Variants in VMP1 observed in about 807,000 individuals in gnomAD.
The protein encoded by VMP1 is ectopic P-granules autophagy protein 3 homolog.
VMP1 carries 11 observed loss-of-function variants against 56.0 expected under a neutral mutation model. That is an observed-to-expected ratio of 0.20 (90% CI 0.12 to 0.32). The LOEUF is 0.32. Ranked by LOEUF, VMP1 falls within the 10% of genes least tolerant of loss-of-function variation. The pLI, the probability that VMP1 is intolerant of heterozygous loss-of-function variation, is 1.00. For synonymous variants in VMP1, 149 were observed against 165.0 expected (o/e 0.90, Z 0.74); for missense variants, 296 against 490.3 (o/e 0.60, Z 3.74).
rs1215005092 is a variant in VMP1, at chr17:59,761,905, A to G, written c.415-3066A>G. ...GCCTTCTTGAATCCTGAACTCGTGA[A>G]CCCCAATCTCATTCTCAACTCGGCA... On this transcript the variant is annotated intron_variant, in intron 5 of 11. Coordinates refer to ENST00000262291, the MANE Select transcript of VMP1 (RefSeq NM_030938.5). Among the ~76,000 whole-genome samples the G allele has an allele frequency of 3.3e-5, 5 of 151,244 alleles. No individual in the cohort carries two copies. In the East Asian group the frequency reaches 9.7e-4, roughly 29 times the overall value.
At chr17:59,832,048 GA>G (rs1460557112) in intron 10 of VMP1, among the ~76,000 whole-genome samples, 1 of 151,506 alleles carries the variant, frequency 6.6e-6, no homozygotes, top group Admixed American at 6.6e-5. Context: ...ATGCCTGGTG[GA>G]AAAATTTTTT....
At chr17:59,796,842 G>T (rs1167562578) in intron 7 of VMP1, among the ~76,000 whole-genome samples, 1 of 152,016 alleles carries the variant, frequency 6.6e-6, no homozygotes, top group Non-Finnish European at 1.5e-5. Context: ...GCAATATTAA[G>T]AATAATTTGA....
chr17:59,789,528 C>G lies in VMP1; in HGVS notation c.714+15643C>G, dbSNP rs929388178. Among the ~76,000 whole-genome samples, 6 of 136,106 alleles carry G rather than the reference C, an allele frequency of 4.4e-5. No homozygotes were observed. In the Admixed American group the frequency reaches 4.4e-4, roughly 10 times the overall value. 89.3% of individuals were successfully genotyped at this position (136,106 alleles called of 152,430 possible). A position where few individuals can be genotyped will look rare whatever the true frequency, so the allele number is the denominator to read the frequency against. On this transcript the variant is annotated intron_variant, in intron 7 of 11. Coordinates refer to ENST00000262291, the MANE Select transcript of VMP1 (RefSeq NM_030938.5). ...CCAGCGTGGGTGACAAAGCAAGTCT[C>G]AAAAAAAAAAAGGCCCTGTATTGAA...
chr17:59,838,363 A>C lies in VMP1; in HGVS notation c.1043A>C (p.Lys348Thr). The C allele has an allele frequency of 6.2e-7, 1 of 1,614,100 alleles. No homozygotes were observed. The highest frequency in any genetic ancestry group is 1.1e-5 in the South Asian group (1 of 91,088). The stretch of plus-strand genomic sequence containing the variant: ...GAGTACCTGGAGGCTCAACGGCAGA[A>C]GCTTCACCACAAAAGCGAAATGGGC... Reference protein sequence around the residue: ...FQEYLEAQRQKLHHKSEMGTP... With the variant: ...FQEYLEAQRQTLHHKSEMGTP... The change falls in exon 11 of 12, where the codon AAG (lysine) becomes ACG (threonine). Residue 348 changes from lysine to threonine, a missense_variant. Physicochemically the swap from Lys to Thr is moderately conservative, Grantham distance 78. Transcript: ENST00000262291.
chr17:59,797,979 C>T (rs1422501491), intron 7 of VMP1, among the ~76,000 whole-genome samples: 1 of 152,130 alleles, frequency 6.6e-6, no homozygotes, highest in Non-Finnish European at 1.5e-5. Flanking sequence ...GGTTATTTTG[C>T]AGGGAGTAAT....
intron 5 of VMP1, among the ~76,000 whole-genome samples, chr17:59,758,140 C>T (rs1273058206): frequency 2.0e-5 from 3 of 152,058 alleles, no homozygotes; most frequent in Non-Finnish European, 4.4e-5. Flanking sequence ...CCCTGCCTTG[C>T]CTATTTGCCA....
chr17:59,751,182 A>T (rs1284215936), intron 5 of VMP1, among the ~76,000 whole-genome samples: 1 of 152,000 alleles, frequency 6.6e-6, no homozygotes, highest in Non-Finnish European at 1.5e-5. Context: ...TCGGCCAGGT[A>T]GCACCTTTTA....
intron 7 of VMP1, among the ~76,000 whole-genome samples, chr17:59,789,028 T>C (rs1388229372): frequency 1.3e-5 from 2 of 151,030 alleles, no homozygotes; most frequent in African/African-American, 2.4e-5. Flanking sequence ...CCATGGCTCA[T>C]GCCTGTAATC....
At chr17:59,768,704 C>T (rs568416794) in intron 6 of VMP1, among the ~76,000 whole-genome samples, 10 of 150,334 alleles carry the variant, frequency 6.7e-5, no homozygotes, top group East Asian at 2.0e-4. Context: ...ATTAATTCAC[C>T]GGGCGCGGTG....
chr17:59,729,026 A>C (rs2034717103), intron 1 of VMP1, among the ~76,000 whole-genome samples: 1 of 152,220 alleles, frequency 6.6e-6, no homozygotes, highest in Non-Finnish European at 1.5e-5. Flanking sequence ...AATGGGAATC[A>C]TAACAAGTAG....
intron 8 of VMP1, among the ~76,000 whole-genome samples, chr17:59,810,853 T>C (rs983244502): frequency 2.6e-5 from 4 of 152,190 alleles, no homozygotes; most frequent in African/African-American, 4.8e-5. Flanking sequence ...AAGGTCAGAG[T>C]ACTTTCATAG....
rs2039122846 is a variant in VMP1, at chr17:59,840,452, G to A, written c.*541G>A. ...TATGATGCATTGCACACCCTCTGGG[G>A]AAATTGATCTTTAAATTTTGAGACA... On this transcript the variant is annotated 3_prime_UTR_variant, in exon 12 of 12. Transcript: ENST00000262291. 6.5e-6 allele frequency: 1 copy of A among 152,990 alleles called. No homozygotes were observed. Among genetic ancestry groups the A allele is most frequent in the African/African-American group, 2.4e-5 (1 of 41,418 alleles). 9.5% of individuals were successfully genotyped at this position (152,990 alleles called of 1,614,324 possible).
At chr17:59,746,672 C>T (rs1300385546) in intron 5 of VMP1, among the ~76,000 whole-genome samples, 1 of 152,002 alleles carries the variant, frequency 6.6e-6, no homozygotes, top group Non-Finnish European at 1.5e-5. Context: ...TTGCAGAGAC[C>T]AAGTACCTAG....
intron 7 of VMP1, among the ~76,000 whole-genome samples, chr17:59,808,419 T>A (rs1321887662): frequency 1.3e-5 from 2 of 152,240 alleles, no homozygotes; most frequent in Non-Finnish European, 1.5e-5. Flanking sequence ...TCGGCAGAGA[T>A]GTATTCATGA....
intron 8 of VMP1, among the ~76,000 whole-genome samples, 199 bp downstream of exon 8, chr17:59,809,075 C>G (rs544173653): frequency 5.3e-5 from 8 of 151,784 alleles, no homozygotes; most frequent in African/African-American, 1.9e-4. Context: ...TCTCGGCTCA[C>G]TGCAACCTCC....
chr17:59,735,317 C>T, intron 2 of VMP1, 21 bp from the exon 3 acceptor site: 1 of 1,610,524 alleles, frequency 6.2e-7, no homozygotes, highest in Non-Finnish European at 8.5e-7. Flanking sequence ...CTGTTTTAAT[C>T]TCTGCACTAT....
intron 6 of VMP1, among the ~76,000 whole-genome samples, chr17:59,771,851 G>A (rs1303701141): frequency 1.3e-5 from 2 of 151,944 alleles, no homozygotes; most frequent in African/African-American, 4.8e-5. Context: ...AAAGTTCTGG[G>A]ATGATAGGTG....
At position 59,726,678 on chromosome 17, in the gene VMP1, T is replaced by A. The variant is rs569721130; in HGVS notation, c.-26-4743T>A. Among the ~76,000 whole-genome samples, 137 of 152,348 alleles carry A rather than the reference T, an allele frequency of 9.0e-4. 1 individual carries two copies. Among genetic ancestry groups the A allele is most frequent in the African/African-American group, 3.3e-3 (136 of 41,584 alleles). On this transcript the variant is annotated intron_variant, in intron 1 of 11. Coordinates refer to ENST00000262291, the MANE Select transcript of VMP1 (RefSeq NM_030938.5). ...GCAGATGGAAAATCATTAACTTTTT[T>A]ATATGGTTCCATTTCAAACATCCTC...
intron 7 of VMP1, among the ~76,000 whole-genome samples, chr17:59,801,149 T>TGC (rs1491290626): frequency 1.5e-5 from 2 of 131,918 alleles, no homozygotes; most frequent in East Asian, 4.6e-4. Flanking sequence ...TGTGTGTGTG[T>TGC]ATGGCACATA....
Sources: allele counts gnomAD v4.1 joint callset (sites outside exome capture counted in the v4.1 genomes callset), GRCh38; gene constraint gnomAD v4.1.1; transcripts MANE v1.5; gene names NCBI Gene and HGNC (gene_info 2026-07-23, HGNC 2026-07-21).